The following XPA variants were observed in gnomAD, a reference collection of about 807,000 sequenced individuals.
The protein encoded by XPA is DNA repair protein complementing XP-A cells.
Under a neutral mutation model 35.7 loss-of-function variants are expected in XPA, and 27 were observed. The ratio of observed to expected loss-of-function variants is 0.76; its 90% confidence interval spans 0.56 to 1.04. The LOEUF (loss-of-function observed/expected upper bound fraction) is 1.04. Ranked by LOEUF, XPA falls within the 50% of genes least tolerant of loss-of-function variation. The pLI is 0.00. For synonymous variants in XPA, 133 were observed against 118.4 expected (o/e 1.12, Z -0.80); for missense variants, 354 against 342.7 (o/e 1.03, Z -0.26).
chr9:97,677,481 TG>T (rs1339185605), intron 5 of XPA, among the ~76,000 whole-genome samples: 2 of 152,100 alleles, frequency 1.3e-5, no homozygotes, highest in Admixed American at 1.3e-4. Flanking sequence ...AAGACCAGCC[TG>T]GGCAACACAG....
intron 5 of XPA, among the ~76,000 whole-genome samples, chr9:97,678,362 C>T (rs1017686220): frequency 8.5e-5 from 13 of 152,120 alleles, no homozygotes; most frequent in Non-Finnish European, 1.9e-4. Context: ...GGTTGCGCCA[C>T]TGCACTCCAA....
chr9:97,683,753 C>T (rs766772372), intron 5 of XPA, among the ~76,000 whole-genome samples: 11 of 152,116 alleles, frequency 7.2e-5, no homozygotes, highest in Non-Finnish European at 1.3e-4. Context: ...AAAACAAATC[C>T]TCACAATGAG....
At chr9:97,684,353 T>C (rs957222184) in intron 5 of XPA, among the ~76,000 whole-genome samples, 97 of 152,240 alleles carry the variant, frequency 6.4e-4, no homozygotes, top group African/African-American at 2.2e-3. Context: ...AGGGAATGCA[T>C]GCAAAGACAG....
chr9:97,689,660 T>G, intron 2 of XPA, 21 bp from the exon 3 acceptor site: 1 of 1,458,646 alleles, frequency 6.9e-7, no homozygotes, highest in Non-Finnish European at 9.6e-7. Context: ...GAAAATGAAC[T>G]CTAGTTTCCT....
At chr9:97,666,985 T>A in the XPA span, 1 of 835,980 alleles carries the variant, frequency 1.2e-6, no homozygotes, top group South Asian at 2.1e-5. Flanking sequence ...TGAGCCCAAA[T>A]TAATGCAGAG....
intron 5 of XPA, among the ~76,000 whole-genome samples, chr9:97,677,564 CATG>C (rs1210066418): frequency 2.0e-5 from 3 of 152,002 alleles, no homozygotes; most frequent in African/African-American, 7.3e-5. Context: ...GCCACGGTGA[CATG>C]AGCCTGTAGT....
chr9:97,697,316 G>T lies in XPA; in HGVS notation c.-24C>A, dbSNP rs769763787. On this transcript the variant is annotated 5_prime_UTR_variant, in exon 1 of 6. Transcript: ENST00000375128. ...ATCTCTGGCCCACTCCGAGGACCTA[G>T]CTCCCAGCTCCACGCACGCGCACTG... is the stretch of plus-strand genomic sequence containing the variant. The T allele has an allele frequency of 3.1e-6, 5 of 1,596,660 alleles. No individual in the cohort carries two copies. The East Asian group carries it at 1.1e-4, about 36-fold the overall frequency.
At chr9:97,682,347 C>G (rs1202887231) in intron 5 of XPA, 1 of 518,882 alleles carries the variant, frequency 1.9e-6, no homozygotes, top group Non-Finnish European at 3.8e-6. Context: ...GAAAACTGCA[C>G]AGTAAGCTCC....
At chr9:97,681,465 C>T (rs1340921504) in intron 5 of XPA, among the ~76,000 whole-genome samples, 1 of 152,138 alleles carries the variant, frequency 6.6e-6, no homozygotes, top group East Asian at 1.9e-4. Context: ...ACAATGTCCA[C>T]AAACTTGGGA....
the XPA span, chr9:97,655,696 A>T: frequency 6.2e-7 from 1 of 1,608,466 alleles, no homozygotes; most frequent in Non-Finnish European, 8.5e-7. Flanking sequence ...CCCCTTCTCT[A>T]CGTAGGTTTA....
the XPA span, chr9:97,662,168 C>T: frequency 4.5e-5 from 71 of 1,570,770 alleles, no homozygotes; most frequent in Non-Finnish European, 5.9e-5. Context: ...CAGAGCCTTG[C>T]TTGAGAGTTT....
chr9:97,664,329 T>C, the XPA span: 3 of 1,545,544 alleles, frequency 1.9e-6, no homozygotes, highest in Admixed American at 5.0e-5. Flanking sequence ...TGAATAATTC[T>C]CTCATTGTAG....
At chr9:97,663,158 A>G in the XPA span, 2 of 806,664 alleles carry the variant, frequency 2.5e-6, no homozygotes, top group Non-Finnish European at 2.0e-6. Flanking sequence ...CTCTGCCTAG[A>G]TAATGGTTTT....
At chr9:97,663,471 G>A in the XPA span, among the ~76,000 whole-genome samples, 1 of 152,022 alleles carries the variant, frequency 6.6e-6, no homozygotes, top group Non-Finnish European at 1.5e-5. Context: ...TTTTGAATAC[G>A]TATTAGTACC....
chr9:97,678,418 T>C (rs527521926), intron 5 of XPA, among the ~76,000 whole-genome samples: 127 of 151,426 alleles, frequency 8.4e-4, no homozygotes, highest in African/African-American at 3.0e-3. Flanking sequence ...AATAAGTAAA[T>C]AAAAAAAGTA....
intron 5 of XPA, among the ~76,000 whole-genome samples, chr9:97,676,923 T>C (rs1029305469): frequency 6.6e-6 from 1 of 152,222 alleles, no homozygotes; most frequent in Non-Finnish European, 1.5e-5. Context: ...TTTCTAGATA[T>C]AGATCTGGAA....
chr9:97,689,669 C>A (rs1564047421), intron 2 of XPA, 30 bp from the exon 3 acceptor site: 1 of 1,340,380 alleles, frequency 7.5e-7, no homozygotes, highest in South Asian at 1.2e-5. Context: ...CTCTAGTTTC[C>A]TTTTTTATGA....
downstream of XPA, among the ~76,000 whole-genome samples, chr9:97,670,600 T>C (rs1477497793): frequency 2.6e-5 from 4 of 152,368 alleles, no homozygotes; most frequent in East Asian, 7.7e-4. Flanking sequence ...CTGCCAGTTT[T>C]AAAAGCTTTA....
At chr9:97,662,946 A>G in the XPA span, 2 of 1,597,384 alleles carry the variant, frequency 1.3e-6, no homozygotes, top group South Asian at 1.1e-5. Flanking sequence ...TCCCATCATT[A>G]TCAAAAGGTT....
Sources: allele counts gnomAD v4.1 joint callset (sites outside exome capture counted in the v4.1 genomes callset), GRCh38; gene constraint gnomAD v4.1.1; transcripts MANE v1.5; gene names NCBI Gene and HGNC (gene_info 2026-07-23, HGNC 2026-07-21).